SLC35A3: variants seen among roughly 807,000 people sequenced by gnomAD.
SLC35A3 encodes the protein solute carrier family 35 member A3, also known as UDP-N-acetylglucosamine transporter.
A neutral mutation model predicts 39.0 loss-of-function variants in SLC35A3; 26 were observed. The ratio of observed to expected loss-of-function variants is 0.67; its 90% CI spans 0.49 to 0.92. The LOEUF is 0.92. Ranked by LOEUF, SLC35A3 falls within the 40% of genes least tolerant of loss-of-function variation. The pLI is 0.00. For synonymous variants in SLC35A3, 135 were observed against 133.1 expected, an observed-to-expected ratio of 1.01 and a Z score of -0.10; for missense variants, 299 against 371.6, an observed-to-expected ratio of 0.80 and a Z score of 1.61.
rs1346296620 is a variant in SLC35A3 at position 100,029,158 on chromosome 1, C to G, written c.*6682C>G. ...AGTTGTCCTCTCTTTCCAACATCTG[C>G]CCCTCCCTGGAGATCTGGTTGACAT... is the stretch of plus-strand genomic sequence containing the variant. On this transcript the variant is annotated 3_prime_UTR_variant, in exon 8 of 8. Transcript: ENST00000533028. 1.3e-5 allele frequency: 2 copies of G among 152,146 alleles called. No individual in the cohort carries two copies. The highest frequency in any genetic ancestry group is 2.9e-5 in the Non-Finnish European group (2 of 68,050). 9.4% of individuals were successfully genotyped at this position (152,146 alleles called of 1,614,324 possible). A position where few individuals can be genotyped will look rare whatever the true frequency, so the allele number is the denominator to read the frequency against.
chr1:99,999,890 A>G (rs1180098319), intron 3 of SLC35A3, among the ~76,000 whole-genome samples: 1 of 151,998 alleles, frequency 6.6e-6, no homozygotes, highest in Non-Finnish European at 1.5e-5. Flanking sequence ...TTCACTTAAC[A>G]TAATGACCTC....
intron 3 of SLC35A3, among the ~76,000 whole-genome samples, chr1:100,005,241 T>C (rs750433151): frequency 1.3e-5 from 2 of 152,240 alleles, no homozygotes; most frequent in Non-Finnish European, 2.9e-5. Flanking sequence ...CTCTTGCTGT[T>C]TTTAGGGTTC....
At chr1:99,993,443 A>C in intron 1 of SLC35A3, 94 bp from the exon 2 acceptor site, 1 of 940,190 alleles carries the variant, frequency 1.1e-6, no homozygotes, top group Non-Finnish European at 1.6e-6. Flanking sequence ...AGAGACCTGC[A>C]GGCCCTCTCC....
rs1365340228 is a variant in SLC35A3 at position 100,025,358 on chromosome 1, A to C, written c.*2882A>C. 6.6e-6 allele frequency: 1 copy of C among 152,248 alleles called. No individual in the cohort carries two copies. The highest frequency in any genetic ancestry group is 1.5e-5 in the Non-Finnish European group (1 of 68,038). The allele number at this position is 152,248 out of a possible 1,614,324, so 9.4% of individuals were successfully genotyped here. A position where few individuals can be genotyped will look rare whatever the true frequency, so the allele number is the denominator to read the frequency against. ...TGTTTCTATTTTAATAATTTTAAAA[A>C]ATTATACAAGCAAATTAGATATTAG... On this transcript the variant is annotated 3_prime_UTR_variant, in exon 8 of 8. Transcript: ENST00000533028.
intron 6 of SLC35A3, among the ~76,000 whole-genome samples, chr1:100,016,773 C>T (rs1247578941): frequency 6.6e-6 from 1 of 152,036 alleles, no homozygotes; most frequent in Non-Finnish European, 1.5e-5. Flanking sequence ...TAGGGTGAGT[C>T]AAGAGAGTTT....
intron 1 of SLC35A3, among the ~76,000 whole-genome samples, chr1:99,985,806 G>T (rs1557824921): frequency 1.3e-5 from 2 of 152,278 alleles, no homozygotes; most frequent in South Asian, 4.1e-4. Context: ...GTATTCCTAA[G>T]TATTTTATTT....
intron 1 of SLC35A3, among the ~76,000 whole-genome samples, chr1:99,972,456 C>T (rs1038207070): frequency 6.6e-6 from 1 of 151,550 alleles, no homozygotes; most frequent in Non-Finnish European, 1.5e-5. Flanking sequence ...CTGCCTCAGC[C>T]TCTCGAGTAG....
chr1:100,002,872 C>T (rs894781878), intron 3 of SLC35A3, among the ~76,000 whole-genome samples: 1 of 151,964 alleles, frequency 6.6e-6, no homozygotes, highest in Non-Finnish European at 1.5e-5. Context: ...ACCTGGCCTC[C>T]CAAGGTGCTG....
At position 99,990,323 on chromosome 1, in the gene SLC35A3, C is replaced by T. The variant is rs1035916066; in HGVS notation, c.-18-3214C>T. ...GGGCACGGTGGCTGAAGCCTGTAAT[C>T]CCAGAACTTTGGGAGACCAAGGTGG... On this transcript the variant is annotated intron_variant, in intron 1 of 7. Coordinates refer to ENST00000533028, the MANE Select transcript of SLC35A3 (RefSeq NM_012243.3). Among the ~76,000 whole-genome samples, 6 of 152,114 alleles carry T rather than the reference C, an allele frequency of 3.9e-5. No homozygotes were observed. The East Asian group carries it at 1.2e-3, about 29-fold the overall frequency.
chr1:100,015,055 G>A (rs910998263), intron 5 of SLC35A3, among the ~76,000 whole-genome samples: 5 of 151,522 alleles, frequency 3.3e-5, no homozygotes, highest in Non-Finnish European at 5.9e-5. Flanking sequence ...CTACTCGGGA[G>A]GCTGAGGCAG....
intron 3 of SLC35A3, among the ~76,000 whole-genome samples, chr1:100,002,610 A>T (rs1658886407): frequency 6.6e-6 from 1 of 150,484 alleles, no homozygotes; most frequent in African/African-American, 2.4e-5. Flanking sequence ...TTCTGCCCTG[A>T]TCTTTTGTTG....
In SLC35A3 at chr1:100,023,650, C is replaced by G. The variant is rs967634640; in HGVS notation, c.*1174C>G. 2 of 152,232 alleles carry G rather than the reference C, an allele frequency of 1.3e-5. No individual in the cohort carries two copies. Among genetic ancestry groups the G allele is most frequent in the Non-Finnish European group, 2.9e-5 (2 of 68,052 alleles). The allele number at this position is 152,232 out of a possible 1,614,324, so 9.4% of individuals were successfully genotyped here. On this transcript the variant is annotated 3_prime_UTR_variant, in exon 8 of 8. Transcript: ENST00000533028. ...TTTTTAGGTCTCTCATAAGCCTATT[C>G]TTCCCTGATCACATGAGTGGGAGAG... is the stretch of plus-strand genomic sequence containing the variant.
Position 100,022,383 on chromosome 1 carries a change from C to G in SLC35A3, c.888-3C>G. On this transcript the variant is annotated splice_polypyrimidine_tract_variant and splice_region_variant and intron_variant, in intron 7 of 7. Coordinates refer to ENST00000533028, the MANE Select transcript of SLC35A3 (RefSeq NM_012243.3). ...TTTTTTATTTTGTCTTCATCTTATTCAGTGTCTTTTTCCTTGGAGCCATCC... is the reference window on the plus strand; with the variant it reads ...TTTTTTATTTTGTCTTCATCTTATTGAGTGTCTTTTTCCTTGGAGCCATCC... 6.7e-7 allele frequency: 1 copy of G among 1,493,568 alleles called. No individual in the cohort carries two copies. The highest frequency in any genetic ancestry group is 9.3e-7 in the Non-Finnish European group (1 of 1,076,172). The allele number at this position is 1,493,568 out of a possible 1,614,324, so 92.5% of individuals were successfully genotyped here. A position where few individuals can be genotyped will look rare whatever the true frequency, so the allele number is the denominator to read the frequency against.
Position 100,011,523 on chromosome 1 carries a change from T to C in SLC35A3, c.624T>C (p.Asn208=), listed in dbSNP as rs1010621391. Residue 208 remains asparagine (N), a synonymous_variant, in exon 5 of 8, where the codon AAT becomes AAC. Coordinates refer to ENST00000533028, the MANE Select transcript of SLC35A3 (RefSeq NM_012243.3). ...CAAAACAATCAGTGTGGATAAGAAA[T>C]ATTCAGCTTGGTAAGTTTTAAATGT... ...KETKQSVWIR[N]IQLGFFGSIF... is the part of the protein sequence containing the mutation. The C allele has an allele frequency of 1.4e-6, 2 of 1,398,194 alleles. No individual in the cohort carries two copies. Among genetic ancestry groups the C allele is most frequent in the Non-Finnish European group, 1.9e-6 (2 of 1,033,122 alleles). 86.6% of individuals were successfully genotyped at this position (1,398,194 alleles called of 1,614,324 possible). A position where few individuals can be genotyped will look rare whatever the true frequency, so the allele number is the denominator to read the frequency against.
intron 2 of SLC35A3, among the ~76,000 whole-genome samples, chr1:99,997,486 T>C (rs2101174151): frequency 7.4e-6 from 1 of 134,974 alleles, no homozygotes; most frequent in South Asian, 2.5e-4. Context: ...TAGTTGATAT[T>C]ATCACATACC....
rs2101565309 is a variant in SLC35A3, at chr1:100,034,320, A to G, written c.*11844A>G. On this transcript the variant is annotated 3_prime_UTR_variant, in exon 8 of 8. Coordinates refer to ENST00000533028, the MANE Select transcript of SLC35A3 (RefSeq NM_012243.3). ...ACCCTGTGATTTAGTTTTCATTTTT[A>G]GATGATTTTATCTTTTCAGTATATT... 1 of 149,522 alleles carries G rather than the reference A, an allele frequency of 6.7e-6. No individual in the cohort carries two copies. The highest frequency in any genetic ancestry group is 1.9e-4 in the East Asian group (1 of 5,172). The allele number at this position is 149,522 out of a possible 1,614,324, so 9.3% of individuals were successfully genotyped here. A position where few individuals can be genotyped will look rare whatever the true frequency, so the allele number is the denominator to read the frequency against.
chr1:100,012,412 C>A (rs1019582165), intron 5 of SLC35A3, among the ~76,000 whole-genome samples: 1 of 150,452 alleles, frequency 6.6e-6, no homozygotes, highest in Admixed American at 6.6e-5. Context: ...TCATGGATTT[C>A]TTATTATTTG....
intron 1 of SLC35A3, among the ~76,000 whole-genome samples, chr1:99,975,531 G>A (rs1657059965): frequency 6.6e-6 from 1 of 152,148 alleles, no homozygotes; most frequent in African/African-American, 2.4e-5. Context: ...GAAGACATAT[G>A]AAACTTCACT....
At chr1:100,017,574 T>A in intron 6 of SLC35A3, 108 bp from the exon 7 acceptor site, 3 of 650,952 alleles carry the variant, frequency 4.6e-6, no homozygotes, top group South Asian at 5.4e-5. Flanking sequence ...CTTACTATAA[T>A]GGGATTGAAT....
Sources: allele counts gnomAD v4.1 joint callset (sites outside exome capture counted in the v4.1 genomes callset), GRCh38; gene constraint gnomAD v4.1.1; transcripts MANE v1.5; gene names NCBI Gene and HGNC (gene_info 2026-07-23, HGNC 2026-07-21).